Variants in GSTO2 observed in about 807,000 individuals in gnomAD.
The protein encoded by GSTO2 is glutathione S-transferase omega 2.
Under a neutral mutation model 28.4 loss-of-function variants are expected in GSTO2, and 23 were observed. The observed-to-expected ratio is 0.81, with a 90% confidence interval of 0.58 to 1.15. The LOEUF (loss-of-function observed/expected upper bound fraction) is 1.15. GSTO2 is among the 50% of genes most tolerant of loss of function. The pLI, the probability that GSTO2 is intolerant of heterozygous loss-of-function variation, is 0.00. For synonymous variants in GSTO2, 109 were observed against 111.0 expected, an observed-to-expected ratio of 0.98 and a Z score of 0.11; for missense variants, 298 against 297.8, an observed-to-expected ratio of 1.00 and a Z score of 0.00.
chr10:104,283,445 G>A (rs1447150007), intron 5 of GSTO2, among the ~76,000 whole-genome samples: 1 of 152,214 alleles, frequency 6.6e-6, no homozygotes, highest in Non-Finnish European at 1.5e-5. Flanking sequence ...GGGCAACACA[G>A]TGAGACTATG....
rs1036674746 is a variant in GSTO2, at chr10:104,303,592, T to A, written c.*4308T>A. ...TACAGGGGAAGCAGAGCGTAAAAGTTTGGAGAATTTGCAGCCAGCTATGTG... is the reference window on the plus strand; with the variant it reads ...TACAGGGGAAGCAGAGCGTAAAAGTATGGAGAATTTGCAGCCAGCTATGTG... On this transcript the variant is annotated 3_prime_UTR_variant, in exon 7 of 7. Transcript: ENST00000338595. The A allele has an allele frequency of 1.3e-5, 2 of 152,198 alleles. No individual in the cohort carries two copies. Among genetic ancestry groups the A allele is most frequent in the African/African-American group, 4.8e-5 (2 of 41,442 alleles). The allele number at this position is 152,198 out of a possible 1,614,324, so 9.4% of individuals were successfully genotyped here.
intron 5 of GSTO2, among the ~76,000 whole-genome samples, chr10:104,282,757 C>T (rs2012153249): frequency 6.6e-6 from 1 of 151,960 alleles, no homozygotes; most frequent in African/African-American, 2.4e-5. Context: ...GGATGGTTTC[C>T]AAGTTTGTGG....
intron 1 of GSTO2, among the ~76,000 whole-genome samples, chr10:104,271,047 A>C (rs2011378848): frequency 6.6e-6 from 1 of 152,256 alleles, no homozygotes; most frequent in Non-Finnish European, 1.5e-5. Context: ...GGGTCAGTAT[A>C]ATAAAGGTAT....
In GSTO2 at chr10:104,299,484, C is replaced by CT. The variant is rs960007905; in HGVS notation, c.*211dup. 0.061 allele frequency: 27,324 copies of CT among 445,630 alleles called. No homozygotes were observed. The highest frequency in any genetic ancestry group is 0.086 in the Middle Eastern group (136 of 1,586). 27.6% of individuals were successfully genotyped at this position (445,630 alleles called of 1,614,324 possible). On this transcript the variant is annotated 3_prime_UTR_variant, in exon 7 of 7. Coordinates refer to ENST00000338595, the MANE Select transcript of GSTO2 (RefSeq NM_183239.2). The stretch of plus-strand genomic sequence containing the variant: ...CTGCTGCTACTGCTGCTTTTTTTTC[C>CT]TTTTTTTTTTTGAGGCAAGATCTTG...
At chr10:104,274,554 A>T in intron 1 of GSTO2, 131 bp from the exon 2 acceptor site, 1 of 367,748 alleles carries the variant, frequency 2.7e-6, no homozygotes, top group Non-Finnish European at 4.9e-6. Context: ...TTTGAAATCC[A>T]TGTTGGAGTT....
At chr10:104,274,104 T>C (rs1452034229) in intron 1 of GSTO2, among the ~76,000 whole-genome samples, 1 of 152,240 alleles carries the variant, frequency 6.6e-6, no homozygotes, top group Non-Finnish European at 1.5e-5. Context: ...CCTATATGGC[T>C]GGGCTGTTGG....
At chr10:104,296,150 G>A (rs1464799577) in intron 5 of GSTO2, 1 of 152,084 alleles carries the variant, frequency 6.6e-6, no homozygotes, top group African/African-American at 2.4e-5. Flanking sequence ...GGCTGTCTTT[G>A]GCTGCCTGTC....
chr10:104,277,838 C>A, intron 3 of GSTO2, 56 bp from the exon 4 acceptor site: 1 of 1,175,154 alleles, frequency 8.5e-7, no homozygotes, highest in Non-Finnish European at 1.3e-6. Flanking sequence ...AGAAGAGTGC[C>A]TGCCTGCAGA....
intron 3 of GSTO2, among the ~76,000 whole-genome samples, chr10:104,276,278 A>G (rs1211603382): frequency 2.0e-5 from 3 of 152,250 alleles, no homozygotes; most frequent in Admixed American, 1.3e-4. Context: ...CTTTTGCTCA[A>G]ATTAAGCTGA....
chr10:104,290,184 G>A (rs191243080), intron 5 of GSTO2, among the ~76,000 whole-genome samples: 297 of 152,270 alleles, frequency 2.0e-3, no homozygotes, highest in Non-Finnish European at 3.5e-3. Context: ...AGCAACCTAA[G>A]TGTGCACGAA....
At chr10:104,290,149 C>G (rs2012688713) in intron 5 of GSTO2, among the ~76,000 whole-genome samples, 1 of 152,164 alleles carries the variant, frequency 6.6e-6, no homozygotes, top group African/African-American at 2.4e-5. Context: ...TGTTGCAGCA[C>G]TGTTTACAAT....
intron 5 of GSTO2, among the ~76,000 whole-genome samples, chr10:104,283,777 A>T (rs1375562715): frequency 6.6e-6 from 1 of 152,218 alleles, no homozygotes; most frequent in Non-Finnish European, 1.5e-5. Context: ...TATCAGAATA[A>T]TTCTAATGGA....
intron 1 of GSTO2, among the ~76,000 whole-genome samples, chr10:104,272,453 G>A (rs2011448940): frequency 6.6e-6 from 1 of 152,116 alleles, no homozygotes; most frequent in Non-Finnish European, 1.5e-5. Context: ...TACTGGTTGA[G>A]ATTGTTGCCG....
At chr10:104,296,754 TC>T (rs35351925) in intron 5 of GSTO2, 1 of 151,996 alleles carries the variant, frequency 6.6e-6, no homozygotes. Context: ...GATTAGAGCA[TC>T]CCCTTTCTTT....
chr10:104,276,033 G>T (rs561962963), intron 3 of GSTO2, among the ~76,000 whole-genome samples: 1 of 152,328 alleles, frequency 6.6e-6, no homozygotes, highest in South Asian at 2.1e-4. Context: ...TTGGAGGGCA[G>T]AGCAGCTTTG....
chr10:104,286,204 GT>G (rs35528873), intron 5 of GSTO2, among the ~76,000 whole-genome samples: 62,262 of 151,802 alleles, frequency 0.41, 15,230 homozygotes, highest in African/African-American at 0.69. Context: ...ATTTCAGAGC[GT>G]TTTTTTTATC....
intron 5 of GSTO2, among the ~76,000 whole-genome samples, chr10:104,282,532 C>A (rs1459871505): frequency 7.1e-4 from 98 of 137,540 alleles, no homozygotes; most frequent in Admixed American, 1.7e-3. Context: ...CCAGCCTGGA[C>A]AACACAGTGA....
chr10:104,278,949 C>T (rs12570383), intron 4 of GSTO2, among the ~76,000 whole-genome samples: 4,522 of 152,234 alleles, frequency 0.03, 160 homozygotes, highest in East Asian at 0.08. Context: ...TGACATATAT[C>T]GAACACTTAT....
chr10:104,286,689 T>C (rs2012449994), intron 5 of GSTO2, among the ~76,000 whole-genome samples: 3 of 152,244 alleles, frequency 2.0e-5, no homozygotes, highest in Admixed American at 1.3e-4. Context: ...TTAGTGCTGT[T>C]GCTAGTTGGG....
Sources: allele counts gnomAD v4.1 joint callset (sites outside exome capture counted in the v4.1 genomes callset), GRCh38; gene constraint gnomAD v4.1.1; transcripts MANE v1.5; gene names NCBI Gene and HGNC (gene_info 2026-07-23, HGNC 2026-07-21).